Variants in LPP observed in about 807,000 individuals in gnomAD.
LPP encodes the protein lipoma-preferred partner.
Under a neutral mutation model 60.4 loss-of-function variants are expected in LPP, and 38 were observed. That is an observed-to-expected ratio of 0.63 (90% CI 0.49 to 0.83). The LOEUF is 0.83. LPP is among the 40% of genes least tolerant of loss of function. LPP has a pLI of 0.00. For synonymous variants in LPP, 328 were observed against 290.8 expected, an observed-to-expected ratio of 1.13 and a Z score of -1.30; for missense variants, 902 against 783.6, an observed-to-expected ratio of 1.15 and a Z score of -1.80.
intron 2 of LPP, among the ~76,000 whole-genome samples, chr3:188,276,642 G>A (rs957315349): frequency 6.6e-6 from 1 of 150,618 alleles, no homozygotes; most frequent in Non-Finnish European, 1.5e-5. Flanking sequence ...ATTTAAAAGT[G>A]TGTGGCACCC....
At chr3:188,773,431 G>A (rs1560186026) in intron 9 of LPP, among the ~76,000 whole-genome samples, 2 of 152,052 alleles carry the variant, frequency 1.3e-5, no homozygotes, top group Admixed American at 6.5e-5. Context: ...AGACAAGAGC[G>A]AGGAATGCCT....
chr3:188,382,918 T>A (rs80057858), intron 3 of LPP, among the ~76,000 whole-genome samples: 5,665 of 152,296 alleles, frequency 0.037, 151 homozygotes, highest in Non-Finnish European at 0.061. Context: ...GTTCTTACTC[T>A]GTCCCAGCAA....
At chr3:188,787,914 G>A (rs1481861840) in intron 9 of LPP, among the ~76,000 whole-genome samples, 1 of 152,116 alleles carries the variant, frequency 6.6e-6, no homozygotes, top group African/African-American at 2.4e-5. Flanking sequence ...TATCATTTTA[G>A]CCTGCAGTCT....
At chr3:188,347,849 T>A (rs1319422869) in intron 3 of LPP, among the ~76,000 whole-genome samples, 1 of 152,210 alleles carries the variant, frequency 6.6e-6, no homozygotes, top group Non-Finnish European at 1.5e-5. Context: ...ACCTTGCAGA[T>A]GCAGAAATGG....
chr3:188,745,973 T>C (rs1010386151), intron 8 of LPP, among the ~76,000 whole-genome samples: 2 of 152,186 alleles, frequency 1.3e-5, no homozygotes, highest in African/African-American at 4.8e-5. Context: ...TCTCATCCCG[T>C]TGCACTTACA....
At chr3:188,749,008 T>C (rs144112117) in intron 8 of LPP, among the ~76,000 whole-genome samples, 1 of 152,112 alleles carries the variant, frequency 6.6e-6, no homozygotes, top group Non-Finnish European at 1.5e-5. Flanking sequence ...AACATTGAGA[T>C]GTACAAATCC....
In LPP at chr3:188,535,236, G is replaced by T. The variant is rs148497378; in HGVS notation, c.429+10449G>T. ...GAAGGGGATCGAATTATGTTTCATTGTATTGAGTCACAAATATTTCAATGT... is the reference window on the plus strand; with the variant it reads ...GAAGGGGATCGAATTATGTTTCATTTTATTGAGTCACAAATATTTCAATGT... On this transcript the variant is annotated intron_variant, in intron 6 of 11. Transcript: ENST00000617246. Among the ~76,000 whole-genome samples the T allele has an allele frequency of 2.5e-3, 376 of 152,242 alleles. 4 individuals carry two copies. Among genetic ancestry groups the T allele is most frequent in the African/African-American group, 8.7e-3 (361 of 41,538 alleles).
intron 7 of LPP, among the ~76,000 whole-genome samples, chr3:188,684,037 C>T (rs763984458): frequency 1.2e-4 from 18 of 152,192 alleles, no homozygotes; most frequent in Non-Finnish European, 2.1e-4. Context: ...TTTTCATATT[C>T]GAACTCTTTG....
intron 2 of LPP, among the ~76,000 whole-genome samples, chr3:188,266,434 A>T (rs1479581916): frequency 6.6e-6 from 1 of 151,990 alleles, no homozygotes; most frequent in Non-Finnish European, 1.5e-5. Context: ...TACACAGCAA[A>T]CTGCTCACTA....
chr3:188,554,448 C>T (rs903406944), intron 6 of LPP, among the ~76,000 whole-genome samples: 3 of 152,140 alleles, frequency 2.0e-5, no homozygotes, highest in Non-Finnish European at 4.4e-5. Context: ...TTATGGAACA[C>T]TAGAGATTTA....
At chr3:188,524,527 A>G in intron 5 of LPP, 138 bp from the exon 6 acceptor site, 1 of 841,470 alleles carries the variant, frequency 1.2e-6, no homozygotes, top group Non-Finnish European at 1.8e-6. Flanking sequence ...CCTCACTGAG[A>G]TTTTATGAAA....
At chr3:188,328,920 G>T (rs1210683099) in intron 2 of LPP, among the ~76,000 whole-genome samples, 1 of 152,198 alleles carries the variant, frequency 6.6e-6, no homozygotes, top group African/African-American at 2.4e-5. Context: ...ATTAAAGAGA[G>T]TCTTAAGTGA....
rs1348853628 is a variant in LPP at position 188,878,872 on chromosome 3, T to C, written c.*4393T>C. 5 of 219,416 alleles carry C rather than the reference T, an allele frequency of 2.3e-5. No homozygotes were observed. Among genetic ancestry groups the C allele is most frequent in the Non-Finnish European group, 4.6e-5 (5 of 109,466 alleles). 13.6% of individuals were successfully genotyped at this position (219,416 alleles called of 1,614,324 possible). On this transcript the variant is annotated 3_prime_UTR_variant, in exon 12 of 12. Coordinates refer to ENST00000617246, the MANE Select transcript of LPP (RefSeq NM_001375462.1). ...TTGTCTTGGAAGTATCTCATAGGTC[T>C]TTAAATGAGTAAAACATTTTTATGC...
intron 9 of LPP, among the ~76,000 whole-genome samples, chr3:188,815,095 G>A (rs556796679): frequency 3.7e-4 from 57 of 152,222 alleles, no homozygotes; most frequent in Non-Finnish European, 6.9e-4. Flanking sequence ...GCCAACATGT[G>A]TTGGCATCTG....
intron 2 of LPP, among the ~76,000 whole-genome samples, chr3:188,332,012 C>G (rs922461523): frequency 6.6e-6 from 1 of 152,142 alleles, no homozygotes; most frequent in Non-Finnish European, 1.5e-5. Flanking sequence ...AACTCCTTTT[C>G]TTTTTCACAC....
chr3:188,390,409 C>A (rs988658196), intron 3 of LPP, among the ~76,000 whole-genome samples: 1 of 152,006 alleles, frequency 6.6e-6, no homozygotes, highest in Non-Finnish European at 1.5e-5. Flanking sequence ...TCTTCCTTCA[C>A]ATGTATATCA....
At chr3:188,769,126 C>T (rs1269315578) in intron 9 of LPP, among the ~76,000 whole-genome samples, 4 of 152,088 alleles carry the variant, frequency 2.6e-5, no homozygotes, top group South Asian at 4.1e-4. Context: ...CTAGGTAAAA[C>T]TTTAAAACGT....
chr3:188,338,554 T>A (rs1323905289), intron 2 of LPP, among the ~76,000 whole-genome samples: 1 of 152,182 alleles, frequency 6.6e-6, no homozygotes, highest in Non-Finnish European at 1.5e-5. Flanking sequence ...GAATGTGTAT[T>A]TTATGCAACT....
At position 188,524,851 on chromosome 3, in the gene LPP, A is replaced by G; in HGVS notation, c.429+64A>G. ...CAGATATTCTACTCTTATCAGAAAG[A>G]ACATGCTGCACCTGAGAGCTTATTT... On this transcript the variant is annotated intron_variant, in intron 6 of 11. Coordinates refer to ENST00000617246, the MANE Select transcript of LPP (RefSeq NM_001375462.1). 3.9e-6 allele frequency: 6 copies of G among 1,521,070 alleles called. No individual in the cohort carries two copies. The South Asian group carries it at 7.5e-5, about 19-fold the overall frequency. The allele number at this position is 1,521,070 out of a possible 1,614,324, so 94.2% of individuals were successfully genotyped here.
Sources: gnomAD v4.1 joint callset for allele counts (sites outside exome capture counted in the v4.1 genomes callset) on GRCh38, gnomAD v4.1.1 for gene constraint, MANE v1.5 for transcripts, NCBI Gene and HGNC (gene_info 2026-07-23, HGNC 2026-07-21) for gene names.